The following PLCG1 variants were observed in gnomAD, a reference collection of about 807,000 sequenced individuals.
PLCG1 encodes the protein 1-phosphatidylinositol 4,5-bisphosphate phosphodiesterase gamma-1.
Under a neutral mutation model 177.8 loss-of-function variants are expected in PLCG1, and 71 were observed. The ratio of observed to expected loss-of-function variants is 0.40; its 90% CI spans 0.33 to 0.49. The LOEUF is 0.49. Among genes scored for constraint, PLCG1 ranks in the 20% least tolerant of loss-of-function variants. PLCG1 has a pLI of 0.72. For missense variants in PLCG1, 1,281 were observed against 1,709.0 expected (o/e 0.75, Z 4.42); for synonymous variants, 658 against 647.9 (o/e 1.02, Z -0.24).
chr20:41,156,663 C>A lies in PLCG1; in HGVS notation c.218-2943C>A, dbSNP rs1600649848. On this transcript the variant is annotated intron_variant, in intron 1 of 31. Transcript: ENST00000685551. The surrounding 1 kb of genome is among the most constrained non-coding windows in gnomAD (Gnocchi z 5.0). ...CATGGTTCTGAGTTGGGGAGGAGTG[C>A]TAGGTCATGGATTTTTGGGTATAAC... Among the ~76,000 whole-genome samples the A allele has an allele frequency of 6.6e-6, 1 of 152,146 alleles. No homozygotes were observed. The highest frequency in any genetic ancestry group is 2.4e-5 in the African/African-American group (1 of 41,418).
chr20:41,165,316 C>A lies in PLCG1; in HGVS notation c.1458C>A (p.Ile486=). Reference sequence around the variant, plus strand: ...CCATGATGTACTCTGAGAACGACATCAGCAACTCTATCAAGAATGGCATCC... The same window carrying A: ...CCATGATGTACTCTGAGAACGACATAAGCAACTCTATCAAGAATGGCATCC... The part of the protein sequence containing the change: ...PTSMMYSEND[I]SNSIKNGILY... The change falls in exon 14 of 32, where the codon ATC becomes ATA. Residue 486 remains isoleucine (I), a synonymous_variant. Transcript: ENST00000685551. This position sits in a 1 kb window ranked among gnomAD's most constrained non-coding sequence, Gnocchi z 6.6. 6 of 1,614,190 alleles carry A rather than the reference C, an allele frequency of 3.7e-6. No individual in the cohort carries two copies. The highest frequency in any genetic ancestry group is 2.5e-6 in the Non-Finnish European group (3 of 1,180,016).
chr20:41,162,674 C>T lies in PLCG1; in HGVS notation c.630C>T (p.Tyr210=), dbSNP rs368551739. The change falls in exon 6 of 32, where the codon TAC becomes TAT. Residue 210 remains tyrosine, a synonymous_variant. Transcript: ENST00000685551. ...AGCAGCGCAGCGGGGACATCACCTACGGGCAGTTTGCTCAGCTGTACCGCA... is the reference window on the plus strand; with the variant it reads ...AGCAGCGCAGCGGGGACATCACCTATGGGCAGTTTGCTCAGCTGTACCGCA... ...DLEQRSGDIT[Y]GQFAQLYRSL... 1.9e-5 allele frequency: 31 copies of T among 1,613,858 alleles called. No individual in the cohort carries two copies. Among genetic ancestry groups the T allele is most frequent in the Middle Eastern group, 1.6e-4 (1 of 6,064 alleles).
rs942027888 is a variant in PLCG1 at position 41,166,221 on chromosome 20, T to G, written c.1827T>G (p.Arg609=). The G allele has an allele frequency of 2.5e-6, 4 of 1,613,830 alleles. No individual in the cohort carries two copies. The highest frequency in any genetic ancestry group is 2.5e-6 in the Non-Finnish European group (3 of 1,179,926). ...GGAACGGGAAAGTCCAGCACTGCCG[T>G]ATCCACTCCCGGCAAGATGCTGGGA... ...FWRNGKVQHC[R]IHSRQDAGTP... The change falls in exon 17 of 32, where the codon CGT becomes CGG. Residue 609 remains arginine (R), a synonymous_variant. Transcript: ENST00000685551. This position sits in a 1 kb window ranked among gnomAD's most constrained non-coding sequence, Gnocchi z 8.6.
rs2035996157 is a variant in PLCG1 at position 41,174,348 on chromosome 20, A to G, written c.3833+37A>G. On this transcript the variant is annotated intron_variant, in intron 31 of 31. Transcript: ENST00000685551. The surrounding 1 kb of genome is among the most constrained non-coding windows in gnomAD (Gnocchi z 5.8). ...GGAGGGGTGCTAGAGCCAGGAAGGC[A>G]GTGGCTAGGTCCTCCTTCTTCAGTG... The G allele has an allele frequency of 3.1e-6, 5 of 1,604,342 alleles. No individual in the cohort carries two copies. The highest frequency in any genetic ancestry group is 3.4e-6 in the Non-Finnish European group (4 of 1,171,456).
At chr20:41,152,417 C>T (rs745615510) in intron 1 of PLCG1, among the ~76,000 whole-genome samples, 5 of 152,244 alleles carry the variant, frequency 3.3e-5, no homozygotes, top group Non-Finnish European at 7.3e-5. Flanking sequence ...CCAGGGGTCA[C>T]ATTCCCCCCA....
At chr20:41,162,758 G>T in intron 6 of PLCG1, 33 bp downstream of exon 6, 1 of 1,549,946 alleles carries the variant, frequency 6.5e-7, no homozygotes, top group Non-Finnish European at 8.8e-7. Flanking sequence ...CTCAACCCCT[G>T]CCCCTGCTCT....
rs370703709 is a variant in PLCG1, at chr20:41,174,103, G to A, written c.3646-21G>A. 4 of 1,612,330 alleles carry A rather than the reference G, an allele frequency of 2.5e-6. No homozygotes were observed. The highest frequency in any genetic ancestry group is 1.7e-5 in the Admixed American group (1 of 59,964). ...GTGCAGAGGAGTCATTGACCCTCTTGTGCACCTGGCTTCGTTGAAGCAGGA... is the reference window on the plus strand; with the variant it reads ...GTGCAGAGGAGTCATTGACCCTCTTATGCACCTGGCTTCGTTGAAGCAGGA... On this transcript the variant is annotated intron_variant, in intron 30 of 31. Transcript: ENST00000685551. This position sits in a 1 kb window ranked among gnomAD's most constrained non-coding sequence, Gnocchi z 5.8.
At chr20:41,154,324 C>T (rs1216213090) in intron 1 of PLCG1, among the ~76,000 whole-genome samples, 8 of 152,220 alleles carry the variant, frequency 5.3e-5, no homozygotes, top group Admixed American at 4.6e-4. Context: ...AAACTTAGGT[C>T]TAATTTAGGG....
In PLCG1 at chr20:41,166,982, T is replaced by C. The variant is rs781670489; in HGVS notation, c.2301+123T>C. ...TTGTAGAAGTTCGTGGGAGGGCCCC[T>C]GACTCCAGCTGGGAGCCACAGTGTG... is the stretch of plus-strand genomic sequence containing the variant. On this transcript the variant is annotated intron_variant, in intron 19 of 31. Coordinates refer to ENST00000685551, the MANE Select transcript of PLCG1 (RefSeq NM_002660.3). This position sits in a 1 kb window ranked among gnomAD's most constrained non-coding sequence, Gnocchi z 8.6. The C allele has an allele frequency of 4.6e-6, 4 of 876,490 alleles. No individual in the cohort carries two copies. Among genetic ancestry groups the C allele is most frequent in the Non-Finnish European group, 5.5e-6 (3 of 548,008 alleles). 54.3% of individuals were successfully genotyped at this position (876,490 alleles called of 1,614,324 possible).
chr20:41,139,193 C>G (rs541169552), intron 1 of PLCG1, among the ~76,000 whole-genome samples: 10 of 152,320 alleles, frequency 6.6e-5, no homozygotes, highest in Admixed American at 2.0e-4. Flanking sequence ...AGCTGCTCAA[C>G]TTAGAAATGG....
In PLCG1 at chr20:41,163,679, C is replaced by A; in HGVS notation, c.892-36C>A. The stretch of plus-strand genomic sequence containing the variant: ...CATCTTGGGTTGGACAGGGCAGGGA[C>A]TCACTGTCTCTTCCCTTCCACATGT... On this transcript the variant is annotated intron_variant, in intron 9 of 31. Coordinates refer to ENST00000685551, the MANE Select transcript of PLCG1 (RefSeq NM_002660.3). This position sits in a 1 kb window ranked among gnomAD's most constrained non-coding sequence, Gnocchi z 5.2. 2.1e-6 allele frequency: 3 copies of A among 1,405,590 alleles called. No homozygotes were observed. Among genetic ancestry groups the A allele is most frequent in the Non-Finnish European group, 2.0e-6 (2 of 989,826 alleles). 87.1% of individuals were successfully genotyped at this position (1,405,590 alleles called of 1,614,324 possible).
At position 41,163,930 on chromosome 20, in the gene PLCG1, C is replaced by A. The variant is rs143452596; in HGVS notation, c.1020C>A (p.Thr340=). 1 of 1,614,074 alleles carries A rather than the reference C, an allele frequency of 6.2e-7. No homozygotes were observed. The highest frequency in any genetic ancestry group is 1.7e-5 in the Admixed American group (1 of 60,024). ...CTCCTTGCCTATCCAGGTACCTGAC[C>A]GGGGACCAGTTCTCCAGTGAGTCCT... is the stretch of plus-strand genomic sequence containing the variant. ...WISSSHNTYL[T]GDQFSSESSL... is the part of the protein sequence containing the mutation. Residue 340 remains threonine, a synonymous_variant, in exon 11 of 32, where the codon ACC becomes ACA. Coordinates refer to ENST00000685551, the MANE Select transcript of PLCG1 (RefSeq NM_002660.3). The surrounding 1 kb of genome is among the most constrained non-coding windows in gnomAD (Gnocchi z 5.2).
Position 41,176,196 on chromosome 20 carries a change from T to C in PLCG1, c.*1687T>C, listed in dbSNP as rs1260593546. The C allele has an allele frequency of 1.3e-5, 2 of 152,128 alleles. No individual in the cohort carries two copies. The highest frequency in any genetic ancestry group is 4.8e-5 in the African/African-American group (2 of 41,410). The allele number at this position is 152,128 out of a possible 1,614,324, so 9.4% of individuals were successfully genotyped here. Reference sequence around the variant, plus strand: ...TGGCTGTGCTGGGATGGAACAAAAATGACGCCACACAAAAAATTTAAGATA... The same window carrying C: ...TGGCTGTGCTGGGATGGAACAAAAACGACGCCACACAAAAAATTTAAGATA... On this transcript the variant is annotated 3_prime_UTR_variant, in exon 32 of 32. Coordinates refer to ENST00000685551, the MANE Select transcript of PLCG1 (RefSeq NM_002660.3).
rs2035123833 is a variant in PLCG1 at position 41,150,209 on chromosome 20, G to A, written c.218-9397G>A. ...GGGCCAGGCATGGTGGCTCACACCT[G>A]TAATCCCAGCACTTTGGGAGGCCGA... On this transcript the variant is annotated intron_variant, in intron 1 of 31. Coordinates refer to ENST00000685551, the MANE Select transcript of PLCG1 (RefSeq NM_002660.3). The surrounding 1 kb of genome is among the most constrained non-coding windows in gnomAD (Gnocchi z 4.0). 6.6e-6 allele frequency among the ~76,000 whole-genome samples: 1 copy of A among 152,172 alleles called. No individual in the cohort carries two copies. The highest frequency in any genetic ancestry group is 2.4e-5 in the African/African-American group (1 of 41,434).
In PLCG1 at chr20:41,165,867, T is replaced by A. The variant is rs770233277; in HGVS notation, c.1799+41T>A. ...CAGATGCGTATGTTCAGTCAGCGTG[T>A]GTACACAGACATCACATCACCCAGA... On this transcript the variant is annotated intron_variant, in intron 16 of 31. Transcript: ENST00000685551. This position sits in a 1 kb window ranked among gnomAD's most constrained non-coding sequence, Gnocchi z 6.6. The A allele has an allele frequency of 8.3e-6, 12 of 1,446,852 alleles. No homozygotes were observed. 89.6% of individuals were successfully genotyped at this position (1,446,852 alleles called of 1,614,324 possible).
In PLCG1 at chr20:41,166,388, G is replaced by T; in HGVS notation, c.1994G>T (p.Ser665Ile). 2 of 1,614,108 alleles carry T rather than the reference G, an allele frequency of 1.2e-6. No individual in the cohort carries two copies. Among genetic ancestry groups the T allele is most frequent in the Non-Finnish European group, 1.7e-6 (2 of 1,180,052 alleles). The change falls in exon 17 of 32, where the codon AGC becomes ATC. Residue 665 changes from serine (S) to isoleucine (I), a missense_variant. Physicochemically the swap from Ser to Ile is moderately radical, Grantham distance 142. Coordinates refer to ENST00000685551, the MANE Select transcript of PLCG1 (RefSeq NM_002660.3). This position sits in a 1 kb window ranked among gnomAD's most constrained non-coding sequence, Gnocchi z 8.6. ...EPVPQTNAHESKEWYHASLTR... is the reference protein window; with the variant it reads ...EPVPQTNAHEIKEWYHASLTR... The stretch of plus-strand genomic sequence containing the variant: ...GTCCCACAGACCAACGCCCACGAGA[G>T]CAAAGAGTGAGGGAAGGGCCTGGGG...
chr20:41,143,872 C>A (rs2034909537), intron 1 of PLCG1, among the ~76,000 whole-genome samples: 1 of 152,212 alleles, frequency 6.6e-6, no homozygotes, highest in Admixed American at 6.5e-5. Context: ...CCCAGCACAA[C>A]ATTTGTCACT....
At chr20:41,141,433 A>C (rs558806072) in intron 1 of PLCG1, among the ~76,000 whole-genome samples, 6 of 152,370 alleles carry the variant, frequency 3.9e-5, no homozygotes, top group Admixed American at 6.5e-5. Flanking sequence ...AGGCGGGCTC[A>C]GAAGGGAGGT....
In PLCG1 at chr20:41,165,692, A is replaced by C; in HGVS notation, c.1665A>C (p.Leu555=). ...ATGAGAAGTGGTTCCATGGGAAGCT[A>C]GGGGCAGGGCGTGACGGGCGTCACA... is the stretch of plus-strand genomic sequence containing the variant. ...HSNEKWFHGK[L]GAGRDGRHIA... The change falls in exon 16 of 32, where the codon CTA becomes CTC. Residue 555 remains leucine, a synonymous_variant. Transcript: ENST00000685551. The surrounding 1 kb of genome is among the most constrained non-coding windows in gnomAD (Gnocchi z 6.6). 6.2e-7 allele frequency: 1 copy of C among 1,614,036 alleles called. No individual in the cohort carries two copies. The highest frequency in any genetic ancestry group is 1.3e-5 in the African/African-American group (1 of 75,056).
Sources: gnomAD v4.1 joint callset for allele counts (sites outside exome capture counted in the v4.1 genomes callset) on GRCh38, gnomAD v4.1.1 for gene constraint, Gnocchi (gnomAD v3.1) non-coding constraint, MANE v1.5 for transcripts, NCBI Gene and HGNC (gene_info 2026-07-23, HGNC 2026-07-21) for gene names.